CACNA1E: variants seen among roughly 807,000 people sequenced by gnomAD.
CACNA1E encodes calcium voltage-gated channel subunit alpha1 E, also known as voltage-dependent R-type calcium channel subunit alpha-1E.
In CACNA1E, 40 loss-of-function variants were observed where a neutral mutation model predicts 259.2. The observed-to-expected ratio is 0.15, with a 90% confidence interval of 0.12 to 0.20. The LOEUF is 0.20. Among genes scored for constraint, CACNA1E ranks in the 10% least tolerant of loss-of-function variants. The pLI, the probability that CACNA1E is intolerant of heterozygous loss-of-function variation, is 1.00. For missense variants in CACNA1E, 1,874 were observed against 3,040.1 expected, an observed-to-expected ratio of 0.62 and a Z score of 9.02; for synonymous variants, 1,104 against 1,138.5, an observed-to-expected ratio of 0.97 and a Z score of 0.61.
chr1:181,352,187 G>C (rs940085989), intron 1 of CACNA1E, among the ~76,000 whole-genome samples: 1 of 152,204 alleles, frequency 6.6e-6, no homozygotes, highest in Non-Finnish European at 1.5e-5. Flanking sequence ...TGATCAGCAG[G>C]AAAGAGGGAT....
intron 1 of CACNA1E, among the ~76,000 whole-genome samples, chr1:181,508,802 A>C (rs1665932205): frequency 6.6e-6 from 1 of 152,128 alleles, no homozygotes; most frequent in South Asian, 2.1e-4. Context: ...AGGAAGAGGA[A>C]TGCCCATGGG....
chr1:181,577,587 C>A (rs1333030997), intron 3 of CACNA1E, among the ~76,000 whole-genome samples, 179 bp from the exon 4 acceptor site: 1 of 152,168 alleles, frequency 6.6e-6, no homozygotes, highest in Non-Finnish European at 1.5e-5. Flanking sequence ...ACCCAGATGG[C>A]TAAATTTAAT....
intron 2 of CACNA1E, among the ~76,000 whole-genome samples, chr1:181,465,101 G>A (rs1207127728): frequency 6.6e-6 from 1 of 151,954 alleles, no homozygotes; most frequent in Admixed American, 6.5e-5. Context: ...TCCTGGAAAA[G>A]TCTTTATTTC....
At chr1:181,373,670 T>C (rs1230050643) in intron 1 of CACNA1E, among the ~76,000 whole-genome samples, 1 of 151,772 alleles carries the variant, frequency 6.6e-6, no homozygotes, top group East Asian at 1.9e-4. Flanking sequence ...CCCAAGTAGC[T>C]GGGACTACAG....
intron 1 of CACNA1E, among the ~76,000 whole-genome samples, chr1:181,331,280 G>A (rs1249308937): frequency 1.3e-5 from 2 of 152,040 alleles, no homozygotes; most frequent in Non-Finnish European, 2.9e-5. Context: ...GATTTATTAG[G>A]GGAACTGGCT....
chr1:181,670,791 AAGTT>A (rs1648713534), intron 7 of CACNA1E, among the ~76,000 whole-genome samples: 1 of 152,126 alleles, frequency 6.6e-6, no homozygotes, highest in African/African-American at 2.4e-5. Flanking sequence ...GTTCACAGAG[AAGTT>A]TCTCCTCCAT....
At chr1:181,728,133 C>T (rs941165289) in intron 18 of CACNA1E, among the ~76,000 whole-genome samples, 3 of 152,156 alleles carry the variant, frequency 2.0e-5, no homozygotes, top group Non-Finnish European at 4.4e-5. Flanking sequence ...CTTCCCTGAA[C>T]TCATGAGTTT....
chr1:181,792,328 T>C (rs1276575977), intron 44 of CACNA1E, among the ~76,000 whole-genome samples: 3 of 152,214 alleles, frequency 2.0e-5, no homozygotes, highest in Non-Finnish European at 4.4e-5. Flanking sequence ...TGTAATTCAA[T>C]TTAGGTGTCA....
At chr1:181,433,527 C>T (rs1287904953) in intron 2 of CACNA1E, among the ~76,000 whole-genome samples, 1 of 152,056 alleles carries the variant, frequency 6.6e-6, no homozygotes, top group Non-Finnish European at 1.5e-5. Flanking sequence ...TTACAAAAGA[C>T]GTGCTCATTG....
chr1:181,805,698 C>T lies in CACNA1E; in HGVS notation c.*6864C>T, dbSNP rs1043496986. 1 of 152,200 alleles carries T rather than the reference C, an allele frequency of 6.6e-6. No individual in the cohort carries two copies. Among genetic ancestry groups the T allele is most frequent in the East Asian group, 1.9e-4 (1 of 5,198 alleles). 9.4% of individuals were successfully genotyped at this position (152,200 alleles called of 1,614,324 possible). ...TTATACAAAGCTACCCTAAGTGCTG[C>T]AATTGCAGAGGAACTTGCCTCTTCG... is the stretch of plus-strand genomic sequence containing the variant. On this transcript the variant is annotated 3_prime_UTR_variant, in exon 48 of 48. Transcript: ENST00000367573.
intron 2 of CACNA1E, among the ~76,000 whole-genome samples, chr1:181,452,155 G>A (rs1363348694): frequency 6.6e-6 from 1 of 152,192 alleles, no homozygotes; most frequent in Non-Finnish European, 1.5e-5. Flanking sequence ...AATAGAAGAG[G>A]CTGCTCCTTG....
intron 1 of CACNA1E, among the ~76,000 whole-genome samples, chr1:181,405,802 T>A (rs867730103): frequency 6.6e-6 from 1 of 152,226 alleles, no homozygotes; most frequent in African/African-American, 2.4e-5. Flanking sequence ...AGGCCTTGCC[T>A]GTAAGCCTCA....
chr1:181,755,260 C>T lies in CACNA1E; in HGVS notation c.3852C>T (p.Thr1284=). 1 of 1,613,850 alleles carries T rather than the reference C, an allele frequency of 6.2e-7. No homozygotes were observed. The highest frequency in any genetic ancestry group is 8.5e-7 in the Non-Finnish European group (1 of 1,179,772). Residue 1284 remains threonine, a synonymous_variant, in exon 28 of 48, where the codon ACC becomes ACT. Coordinates refer to ENST00000367573, the MANE Select transcript of CACNA1E (RefSeq NM_001205293.3). ...KLKAVFDCVV[T]SLKNVFNILI... is the part of the protein sequence containing the mutation. ...AGGCCGTCTTCGACTGCGTAGTGAC[C>T]TCCTTGAAGAATGTCTTCAACATAC...
At chr1:181,574,998 C>T (rs1333259617) in intron 3 of CACNA1E, among the ~76,000 whole-genome samples, 3 of 149,566 alleles carry the variant, frequency 2.0e-5, no homozygotes, top group Non-Finnish European at 4.4e-5. Context: ...GCACTCCAGC[C>T]TGGATGACAG....
intron 1 of CACNA1E, among the ~76,000 whole-genome samples, chr1:181,319,328 A>G (rs1333107824): frequency 1.3e-5 from 2 of 152,184 alleles, no homozygotes; most frequent in African/African-American, 4.8e-5. Context: ...TAAGGGCATT[A>G]CTTTATCTCC....
Position 181,793,766 on chromosome 1 carries a change from T to C in CACNA1E, c.6000T>C (p.Ser2000=), listed in dbSNP as rs760294790. 2 of 1,611,816 alleles carry C rather than the reference T, an allele frequency of 1.2e-6. No homozygotes were observed. The highest frequency in any genetic ancestry group is 2.2e-5 in the South Asian group (2 of 90,672). Residue 2000 remains serine, a synonymous_variant, in exon 45 of 48, where the codon TCT becomes TCC. Transcript: ENST00000367573. ...ATGCGGGATCTGGGAGGGCATCTTC[T>C]ATGCCACGTCTGACTGTGGATCCCC... ...QEHAGSGRAS[S]MPRLTVDPQV... is the part of the protein sequence containing the mutation.
intron 34 of CACNA1E, among the ~76,000 whole-genome samples, chr1:181,765,326 G>C (rs116564004): frequency 6.6e-6 from 1 of 152,162 alleles, no homozygotes; most frequent in African/African-American, 2.4e-5. Context: ...CTAGGGACTA[G>C]AGTGGAGACA....
chr1:181,454,358 T>C (rs1278227626), intron 2 of CACNA1E, among the ~76,000 whole-genome samples: 1 of 152,182 alleles, frequency 6.6e-6, no homozygotes, highest in Non-Finnish European at 1.5e-5. Context: ...ACTGATAAAA[T>C]GGAAGTGAAA....
intron 18 of CACNA1E, among the ~76,000 whole-genome samples, chr1:181,728,589 G>A (rs1003120908): frequency 7.3e-5 from 11 of 150,330 alleles, no homozygotes; most frequent in South Asian, 4.2e-4. Context: ...CACCCTGCTC[G>A]TGTGCGTACT....
Sources: allele counts gnomAD v4.1 joint callset (sites outside exome capture counted in the v4.1 genomes callset), GRCh38; gene constraint gnomAD v4.1.1; transcripts MANE v1.5; gene names NCBI Gene and HGNC (gene_info 2026-07-23, HGNC 2026-07-21).